Variants in ZNF83 observed in about 807,000 individuals in gnomAD.
ZNF83 encodes zinc finger protein 816B.
For missense variants in ZNF83, 552 were observed against 629.9 expected (o/e 0.88, Z 1.32); for synonymous variants, 209 against 213.0 (o/e 0.98, Z 0.17).
intron 1 of ZNF83, among the ~76,000 whole-genome samples, chr19:52,637,960 C>T (rs1470876091): frequency 6.6e-6 from 1 of 152,142 alleles, no homozygotes; most frequent in Non-Finnish European, 1.5e-5. Context: ...GCGCTGCGCT[C>T]CAGTGGCCTA....
chr19:52,655,397 C>G, intron 3 of ZNF83: 1 of 694,060 alleles, frequency 1.4e-6, no homozygotes, highest in Non-Finnish European at 2.4e-6. Flanking sequence ...AGGATAGTCT[C>G]TAAGAAGCTG....
At chr19:52,621,697 T>C (rs941036463) in intron 2 of ZNF83, among the ~76,000 whole-genome samples, 3 of 152,222 alleles carry the variant, frequency 2.0e-5, no homozygotes, top group African/African-American at 7.2e-5. Context: ...TCTTAAAAAC[T>C]TGAAACCTCT....
chr19:52,685,520 T>A (rs1157710622), intron 1 of ZNF83, among the ~76,000 whole-genome samples: 1 of 152,142 alleles, frequency 6.6e-6, no homozygotes, highest in Admixed American at 6.6e-5. Context: ...AATGCAGAAG[T>A]GTGAACACAC....
At chr19:52,630,785 A>G (rs2060927423) in intron 2 of ZNF83, among the ~76,000 whole-genome samples, 1 of 152,016 alleles carries the variant, frequency 6.6e-6, no homozygotes, top group Non-Finnish European at 1.5e-5. Context: ...CACGCTTTAA[A>G]AATATTAAAG....
intron 2 of ZNF83, among the ~76,000 whole-genome samples, chr19:52,629,801 A>G (rs2060884491): frequency 6.6e-6 from 1 of 152,150 alleles, no homozygotes; most frequent in Non-Finnish European, 1.5e-5. Flanking sequence ...CTCAAAATAC[A>G]TTTTATTACC....
intron 2 of ZNF83, among the ~76,000 whole-genome samples, chr19:52,628,960 G>GT (rs2060847561): frequency 1.3e-5 from 2 of 151,690 alleles, no homozygotes; most frequent in South Asian, 4.2e-4. Flanking sequence ...TTTTCTGGAG[G>GT]TAAGAACCCC....
intron 2 of ZNF83, among the ~76,000 whole-genome samples, chr19:52,625,255 A>G (rs1327602421): frequency 6.6e-6 from 1 of 152,058 alleles, no homozygotes; most frequent in East Asian, 1.9e-4. Context: ...ACTACACATC[A>G]ATATTTATAC....
In ZNF83 at chr19:52,618,594, G is replaced by A. The variant is rs1272956842; in HGVS notation, c.-233-3797C>T. The A allele has an allele frequency of 3.5e-5, 9 of 255,316 alleles. 1 individual carries two copies. The highest frequency in any genetic ancestry group is 2.0e-4 in the Admixed American group (4 of 19,634). The allele number at this position is 255,316 out of a possible 1,614,324, so 15.8% of individuals were successfully genotyped here. On this transcript the variant is annotated intron_variant, in intron 2 of 2. Coordinates refer to ENST00000301096, the Ensembl canonical transcript of ZNF83. ...GTATTTTTAGTAGAGATGACGTTTC[G>A]CCATGTTGGTGAGGCTAGTATCGAA...
At chr19:52,652,864 C>G in intron 3 of ZNF83, 1 of 1,003,490 alleles carries the variant, frequency 1.0e-6, no homozygotes, top group Admixed American at 1.8e-5. Context: ...TGACATATGA[C>G]TGAAGGTCTT....
At chr19:52,614,967 C>T (rs894279645) in intron 2 of ZNF83, among the ~76,000 whole-genome samples, 170 bp from the exon 3 acceptor site, 5 of 152,046 alleles carry the variant, frequency 3.3e-5, no homozygotes, top group African/African-American at 1.2e-4. Flanking sequence ...CAGATATTTT[C>T]TAATAGAGAA....
intron 3 of ZNF83, among the ~76,000 whole-genome samples, chr19:52,647,406 G>T (rs1271266250): frequency 6.6e-6 from 1 of 152,088 alleles, no homozygotes; most frequent in Non-Finnish European, 1.5e-5. Flanking sequence ...TTGGCCTCTA[G>T]AGTAGCTGTG....
At chr19:52,634,734 G>C (rs961484899) in intron 2 of ZNF83, among the ~76,000 whole-genome samples, 3 of 152,154 alleles carry the variant, frequency 2.0e-5, no homozygotes, top group Non-Finnish European at 4.4e-5. Context: ...CTGGTCCACA[G>C]AGAGTTGACA....
chr19:52,634,995 A>T, intron 2 of ZNF83, 71 bp downstream of exon 2: 2 of 718,506 alleles, frequency 2.8e-6, no homozygotes, highest in Non-Finnish European at 2.5e-6. Flanking sequence ...CCCAGAGAAG[A>T]TTCCCAACTC....
intron 1 of ZNF83, among the ~76,000 whole-genome samples, chr19:52,662,411 G>T (rs2061592147): frequency 6.6e-6 from 1 of 152,286 alleles, no homozygotes; most frequent in East Asian, 1.9e-4. Flanking sequence ...GCAGAGCTCA[G>T]GGGAGAGGCC....
At chr19:52,654,269 C>A in intron 3 of ZNF83, 1 of 1,558,250 alleles carries the variant, frequency 6.4e-7, no homozygotes. Flanking sequence ...TCATGAATAT[C>A]TTTCTTGATT....
At chr19:52,621,424 A>G (rs772006276) in intron 2 of ZNF83, among the ~76,000 whole-genome samples, 1 of 152,148 alleles carries the variant, frequency 6.6e-6, no homozygotes, top group Non-Finnish European at 1.5e-5. Context: ...AGCGCTGGTC[A>G]CGGACTTGGG....
chr19:52,682,363 C>G (rs1313744186), intron 1 of ZNF83, among the ~76,000 whole-genome samples: 2 of 151,948 alleles, frequency 1.3e-5, no homozygotes, highest in Admixed American at 1.3e-4. Context: ...TCACCCTGGA[C>G]AGAATAAAAA....
chr19:52,660,569 G>T (rs116064462), intron 2 of ZNF83, among the ~76,000 whole-genome samples: 1 of 152,090 alleles, frequency 6.6e-6, no homozygotes. Flanking sequence ...AGTGATCCCA[G>T]ATTGCTCCAG....
intron 3 of ZNF83, among the ~76,000 whole-genome samples, chr19:52,653,763 G>C (rs1250471564): frequency 1.3e-5 from 2 of 152,140 alleles, no homozygotes; most frequent in Non-Finnish European, 2.9e-5. Context: ...GAACTCTATG[G>C]TGCCATGCAA....
Sources: allele counts gnomAD v4.1 joint callset (sites outside exome capture counted in the v4.1 genomes callset), GRCh38; gene constraint gnomAD v4.1.1; transcripts MANE v1.5; gene names NCBI Gene and HGNC (gene_info 2026-07-23, HGNC 2026-07-21).